The following RTN4IP1 variants were observed in gnomAD, a reference collection of about 807,000 sequenced individuals.
RTN4IP1 encodes NAD(P)H oxidoreductase RTN4IP1, mitochondrial.
In RTN4IP1, 32 loss-of-function variants were observed where a neutral mutation model predicts 46.6. That is an observed-to-expected ratio of 0.69 (90% CI 0.52 to 0.92). The LOEUF is 0.92. RTN4IP1 is among the 40% of genes least tolerant of loss of function. The probability of loss-of-function intolerance (pLI) is 0.00; values close to 1 mark genes in which losing one functional copy is unlikely to be tolerated. For missense variants in RTN4IP1, 424 were observed against 485.8 expected, an observed-to-expected ratio of 0.87 and a Z score of 1.20; for synonymous variants, 167 against 161.8, an observed-to-expected ratio of 1.03 and a Z score of -0.24.
At chr6:106,624,405 A>G (rs1776578129) in intron 1 of RTN4IP1, among the ~76,000 whole-genome samples, 1 of 151,728 alleles carries the variant, frequency 6.6e-6, no homozygotes, top group Non-Finnish European at 1.5e-5. Flanking sequence ...GCCCAAATGC[A>G]GTGATGTGAT....
chr6:106,629,633 T>A (rs759963753), upstream of RTN4IP1: 8 of 1,576,650 alleles, frequency 5.1e-6, no homozygotes, highest in South Asian at 5.8e-5. Context: ...CGGTGACCTC[T>A]TTTTCCCCCT....
chr6:106,602,808 G>C (rs1775977812), intron 5 of RTN4IP1, 66 bp downstream of exon 5: 2 of 1,089,966 alleles, frequency 1.8e-6, no homozygotes, highest in African/African-American at 3.2e-5. Context: ...GAGAAATAAT[G>C]TATCTTAATT....
At chr6:106,610,430 A>C (rs1352414561) in intron 4 of RTN4IP1, among the ~76,000 whole-genome samples, 2 of 152,176 alleles carry the variant, frequency 1.3e-5, no homozygotes, top group Admixed American at 6.5e-5. Flanking sequence ...TTGTGGCTCA[A>C]CTAATTATTC....
In RTN4IP1 at chr6:106,629,223, T is replaced by A; in HGVS notation, c.-202A>T. 1.7e-6 allele frequency: 1 copy of A among 592,770 alleles called. No homozygotes were observed. The highest frequency in any genetic ancestry group is 2.8e-5 in the East Asian group (1 of 35,908). 36.7% of individuals were successfully genotyped at this position (592,770 alleles called of 1,614,324 possible). ...GAACTGTTATTCCGCTCTTCGCATA[T>A]GAAATGCTCGAATTAACGTTCCAGT... On this transcript the variant is annotated 5_prime_UTR_variant, in exon 1 of 9. Transcript: ENST00000369063.
intron 8 of RTN4IP1, among the ~76,000 whole-genome samples, chr6:106,575,556 G>A (rs373724022): frequency 2.6e-5 from 4 of 152,200 alleles, no homozygotes. Context: ...TTCGGAAGAC[G>A]GTACAGAAAA....
At chr6:106,614,239 T>A (rs562147145) in intron 4 of RTN4IP1, among the ~76,000 whole-genome samples, 1 of 152,326 alleles carries the variant, frequency 6.6e-6, no homozygotes, top group South Asian at 2.1e-4. Flanking sequence ...ATATTTTACA[T>A]GACACGAACA....
intron 4 of RTN4IP1, among the ~76,000 whole-genome samples, chr6:106,608,835 T>A (rs1157369811): frequency 1.3e-5 from 2 of 152,208 alleles, no homozygotes. Flanking sequence ...AATTCCCCCA[T>A]GAAATATTTC....
chr6:106,629,196 C>T lies in RTN4IP1; in HGVS notation c.-175G>A, dbSNP rs1036224008. The T allele has an allele frequency of 2.0e-5, 12 of 615,144 alleles. No individual in the cohort carries two copies. The East Asian group carries it at 2.7e-4, about 14-fold the overall frequency. The allele number at this position is 615,144 out of a possible 1,614,324, so 38.1% of individuals were successfully genotyped here. A position where few individuals can be genotyped will look rare whatever the true frequency, so the allele number is the denominator to read the frequency against. On this transcript the variant is annotated 5_prime_UTR_variant, in exon 1 of 9. Coordinates refer to ENST00000369063, the MANE Select transcript of RTN4IP1 (RefSeq NM_032730.5). ...TAATGGAGAAACTGAAAGAAGAATACGGAACTGTTATTCCGCTCTTCGCAT... is the reference window on the plus strand; with the variant it reads ...TAATGGAGAAACTGAAAGAAGAATATGGAACTGTTATTCCGCTCTTCGCAT...
rs545808259 is a variant in RTN4IP1 at position 106,612,365 on chromosome 6, C to T, written c.620+6837G>A. On this transcript the variant is annotated intron_variant, in intron 4 of 8. Coordinates refer to ENST00000369063, the MANE Select transcript of RTN4IP1 (RefSeq NM_032730.5). ...TTACACCACTGCACACCAACCTGGG[C>T]GACAGAGCAAGACTCCGTCAAAAAA... Among the ~76,000 whole-genome samples the T allele has an allele frequency of 4.0e-3, 481 of 119,188 alleles. 2 individuals carry two copies. Among genetic ancestry groups the T allele is most frequent in the Middle Eastern group, 7.8e-3 (1 of 128 alleles). 78.2% of individuals were successfully genotyped at this position (119,188 alleles called of 152,430 possible). A position where few individuals can be genotyped will look rare whatever the true frequency, so the allele number is the denominator to read the frequency against.
chr6:106,626,510 T>C (rs918478109), intron 1 of RTN4IP1, among the ~76,000 whole-genome samples: 1 of 152,232 alleles, frequency 6.6e-6, no homozygotes, highest in Non-Finnish European at 1.5e-5. Flanking sequence ...TGTCAAACTT[T>C]AGCTGCTGTT....
In RTN4IP1 at chr6:106,596,875, G is replaced by A. The variant is rs538901705; in HGVS notation, c.670-4575C>T. Among the ~76,000 whole-genome samples, 9 of 152,202 alleles carry A rather than the reference G, an allele frequency of 5.9e-5. No individual in the cohort carries two copies. The East Asian group carries it at 9.7e-4, about 16-fold the overall frequency. On this transcript the variant is annotated intron_variant, in intron 5 of 8. Coordinates refer to ENST00000369063, the MANE Select transcript of RTN4IP1 (RefSeq NM_032730.5). Reference sequence around the variant, plus strand: ...TTTTGTTGTATAAAAGATTCTTGGCGCACTCTTCCTTGAGTATCTTAAATA... The same window carrying A: ...TTTTGTTGTATAAAAGATTCTTGGCACACTCTTCCTTGAGTATCTTAAATA...
intron 8 of RTN4IP1, among the ~76,000 whole-genome samples, chr6:106,580,443 G>A (rs1292065726): frequency 1.3e-5 from 2 of 152,058 alleles, no homozygotes; most frequent in Non-Finnish European, 2.9e-5. Context: ...TAAAGGCTAA[G>A]TGCAGTGGCT....
chr6:106,584,801 T>C (rs1775446299), intron 7 of RTN4IP1, among the ~76,000 whole-genome samples: 1 of 152,266 alleles, frequency 6.6e-6, no homozygotes. Flanking sequence ...AACTAAGCAG[T>C]TGCCTAGGCA....
chr6:106,571,388 A>C lies in RTN4IP1; in HGVS notation c.*608T>G, dbSNP rs990479224. 6.6e-5 allele frequency: 10 copies of C among 152,224 alleles called. No individual in the cohort carries two copies. The highest frequency in any genetic ancestry group is 5.2e-4 in the Admixed American group (8 of 15,282). The allele number at this position is 152,224 out of a possible 1,614,324, so 9.4% of individuals were successfully genotyped here. ...ATGCCAACATCCATCTATACACTGA[A>C]AGTTTTAGTATTGTACATTAAGACG... is the stretch of plus-strand genomic sequence containing the variant. On this transcript the variant is annotated 3_prime_UTR_variant, in exon 9 of 9. Coordinates refer to ENST00000369063, the MANE Select transcript of RTN4IP1 (RefSeq NM_032730.5).
At chr6:106,611,316 T>C in intron 4 of RTN4IP1, among the ~76,000 whole-genome samples, 1 of 152,320 alleles carries the variant, frequency 6.6e-6, no homozygotes, top group East Asian at 1.9e-4. Flanking sequence ...TTTAAGCTTA[T>C]ATTTTGTTTC....
At chr6:106,621,083 C>T (rs748812195) in intron 3 of RTN4IP1, among the ~76,000 whole-genome samples, 10 of 152,090 alleles carry the variant, frequency 6.6e-5, no homozygotes, top group African/African-American at 9.7e-5. Context: ...TATTCAAAAC[C>T]GCTGGATATT....
At chr6:106,613,642 C>T (rs1395642280) in intron 4 of RTN4IP1, among the ~76,000 whole-genome samples, 1 of 152,204 alleles carries the variant, frequency 6.6e-6, no homozygotes, top group Non-Finnish European at 1.5e-5. Flanking sequence ...TCTGAATGGA[C>T]TCCTCTTCTT....
At position 106,602,879 on chromosome 6, in the gene RTN4IP1, T is replaced by C. The variant is rs776591189; in HGVS notation, c.664A>G (p.Ile222Val). The change falls in exon 5 of 9, where the codon ATA becomes GTA. Residue 222 changes from isoleucine (I) to valine (V), a missense_variant. By Grantham distance (29) the Ile-to-Val change is conservative (BLOSUM62 3). Coordinates refer to ENST00000369063, the MANE Select transcript of RTN4IP1 (RefSeq NM_032730.5). ...AGATTAAAAAATGGTTTTACCTGTA[T>C]AGCAAAAGTACCAACTCCGCCTGAA... The part of the protein sequence containing the change: ...GASGGVGTFA[I>V]QVMKAWDAHV... The C allele has an allele frequency of 4.4e-6, 7 of 1,601,266 alleles. No individual in the cohort carries two copies. The highest frequency in any genetic ancestry group is 2.7e-5 in the African/African-American group (2 of 74,222).
At chr6:106,613,870 T>C (rs1308692738) in intron 4 of RTN4IP1, among the ~76,000 whole-genome samples, 2 of 152,148 alleles carry the variant, frequency 1.3e-5, no homozygotes, top group Admixed American at 6.5e-5. Context: ...AACCCAGACA[T>C]TCCATTTCAC....
Sources: gnomAD v4.1 joint callset for allele counts (sites outside exome capture counted in the v4.1 genomes callset) on GRCh38, gnomAD v4.1.1 for gene constraint, MANE v1.5 for transcripts, NCBI Gene and HGNC (gene_info 2026-07-23, HGNC 2026-07-21) for gene names.